Variants in TRIM9 observed in about 807,000 individuals in gnomAD.
The protein encoded by TRIM9 is tripartite motif containing 9, also known as E3 ubiquitin-protein ligase TRIM9.
A neutral mutation model predicts 78.3 loss-of-function variants in TRIM9; 26 were observed. That is an observed-to-expected ratio of 0.33 (90% CI 0.24 to 0.46). TRIM9 has a LOEUF of 0.46. TRIM9 is among the 20% of genes least tolerant of loss of function. The pLI, the probability that TRIM9 is intolerant of heterozygous loss-of-function variation, is 1.00. For missense variants in TRIM9, 787 were observed against 1,036.4 expected (o/e 0.76, Z 3.30); for synonymous variants, 398 against 416.5 (o/e 0.96, Z 0.54).
chr14:51,058,165 A>AC (rs2061037994), intron 1 of TRIM9, among the ~76,000 whole-genome samples: 1 of 152,218 alleles, frequency 6.6e-6, no homozygotes, highest in African/African-American at 2.4e-5. Flanking sequence ...AGCCAGCACT[A>AC]GTCAGTCTCC....
In TRIM9 at chr14:51,094,522, G is replaced by T. The variant is rs1302272912; in HGVS notation, c.418C>A (p.Arg140=). The T allele has an allele frequency of 2.5e-6, 4 of 1,613,394 alleles. No individual in the cohort carries two copies. The highest frequency in any genetic ancestry group is 3.4e-6 in the Non-Finnish European group (4 of 1,179,916). Residue 140 remains arginine, a synonymous_variant, in exon 1 of 13, where the codon CGG becomes AGG. Coordinates refer to ENST00000684578, the MANE Select transcript of TRIM9 (RefSeq NM_001387360.1). ...QCHRSLILDD[R]GLRGFPKNRV... ...TTCTTGGGGAAGCCGCGGAGCCCCC[G>T]GTCATCCAGGATGAGGCTGCGGTGA...
At chr14:51,090,869 T>C (rs1188033339) in intron 1 of TRIM9, 1 of 152,192 alleles carries the variant, frequency 6.6e-6, no homozygotes, top group Non-Finnish European at 1.5e-5. Context: ...AGTGCTGGGA[T>C]TACAGGCATA....
chr14:50,979,250 TCTC>T (rs2051489085), intron 12 of TRIM9, 134 bp downstream of exon 12: 1 of 1,526,586 alleles, frequency 6.6e-7, no homozygotes, highest in African/African-American at 1.4e-5. Flanking sequence ...GATCCCTTTC[TCTC>T]CTCCTCTCCT....
chr14:51,063,427 T>C (rs921675169), intron 1 of TRIM9, among the ~76,000 whole-genome samples: 3 of 151,972 alleles, frequency 2.0e-5, no homozygotes, highest in Admixed American at 6.6e-5. Context: ...GGAAAAAATA[T>C]TTGAAGAGAT....
chr14:51,069,826 T>C (rs1398991862), intron 1 of TRIM9, among the ~76,000 whole-genome samples: 2 of 152,222 alleles, frequency 1.3e-5, no homozygotes, highest in Non-Finnish European at 2.9e-5. Context: ...GCCATTTATC[T>C]TTGTTCTTAT....
At chr14:51,083,458 T>C (rs2063492850) in intron 1 of TRIM9, among the ~76,000 whole-genome samples, 1 of 152,014 alleles carries the variant, frequency 6.6e-6, no homozygotes. Flanking sequence ...CAGGTCTCAG[T>C]ATGTTGCCCA....
intron 1 of TRIM9, among the ~76,000 whole-genome samples, chr14:51,092,708 C>T (rs2064481728): frequency 6.6e-6 from 1 of 152,216 alleles, no homozygotes; most frequent in African/African-American, 2.4e-5. Flanking sequence ...TCCCTTCCTT[C>T]TAAGCAGTGT....
At chr14:51,067,223 G>A (rs77514686) in intron 1 of TRIM9, among the ~76,000 whole-genome samples, 12,903 of 152,062 alleles carry the variant, frequency 0.085, 735 homozygotes, top group African/African-American at 0.16. Flanking sequence ...TATTTAGCCC[G>A]TTTCTGAGGC....
chr14:50,987,480 T>C (rs1477018952), intron 7 of TRIM9, among the ~76,000 whole-genome samples: 1 of 152,188 alleles, frequency 6.6e-6, no homozygotes, highest in East Asian at 1.9e-4. Flanking sequence ...AATGAAAGTA[T>C]AAACCAGATC....
At chr14:51,024,861 AAAG>A (rs1236769051) in intron 2 of TRIM9, among the ~76,000 whole-genome samples, 1 of 152,118 alleles carries the variant, frequency 6.6e-6, no homozygotes, top group Non-Finnish European at 1.5e-5. Context: ...TGAAGGAAGA[AAAG>A]AAGAGAAAAC....
At chr14:51,031,861 C>G (rs989965806) in intron 1 of TRIM9, among the ~76,000 whole-genome samples, 2 of 152,172 alleles carry the variant, frequency 1.3e-5, no homozygotes, top group African/African-American at 2.4e-5. Flanking sequence ...ACCAAGGATA[C>G]AAATTCCTCC....
Position 51,094,887 on chromosome 14 carries a change from C to T in TRIM9, c.53G>A (p.Arg18Gln). ...LKCPVCGSFY[R>Q]EPIILPCSHN... ...AGAGCAGGGCAGGATGATGGGCTCC[C>T]GATAGAAGGAGCCGCACACGGGGCA... Residue 18 changes from arginine to glutamine, a missense_variant, in exon 1 of 13, where the codon CGG (arginine) becomes CAG (glutamine). By Grantham distance (43) the Arg-to-Gln change is conservative. Around this residue, in one of 3 missense-constraint regions of TRIM9, gnomAD observed 352 missense variants for 472.3 expected, o/e 0.75. Coordinates refer to ENST00000684578, the MANE Select transcript of TRIM9 (RefSeq NM_001387360.1). The T allele has an allele frequency of 6.6e-7, 1 of 1,509,620 alleles. No homozygotes were observed. Among genetic ancestry groups the T allele is most frequent in the African/African-American group, 1.4e-5 (1 of 71,656 alleles). 93.5% of individuals were successfully genotyped at this position (1,509,620 alleles called of 1,614,324 possible).
At chr14:51,040,836 C>A (rs749245632) in intron 1 of TRIM9, among the ~76,000 whole-genome samples, 2 of 152,168 alleles carry the variant, frequency 1.3e-5, no homozygotes, top group African/African-American at 2.4e-5. Flanking sequence ...TTAACTCTTC[C>A]GCTTACTACC....
chr14:51,048,699 C>T (rs962718840), intron 1 of TRIM9, among the ~76,000 whole-genome samples: 4 of 151,864 alleles, frequency 2.6e-5, no homozygotes, highest in African/African-American at 7.3e-5. Context: ...CATCCCATCT[C>T]GGGGGCCGGG....
chr14:51,001,987 T>C (rs2055109090), intron 5 of TRIM9, among the ~76,000 whole-genome samples: 1 of 152,244 alleles, frequency 6.6e-6, no homozygotes, highest in South Asian at 2.1e-4. Flanking sequence ...CTGTGACTCT[T>C]TTCTAGTACT....
intron 11 of TRIM9, 117 bp from the exon 12 acceptor site, chr14:50,979,666 A>T (rs1323264012): frequency 1.2e-6 from 1 of 832,468 alleles, no homozygotes; most frequent in Non-Finnish European, 2.0e-6. Flanking sequence ...CTACCCCAAA[A>T]CCGTTTCCCT....
intron 3 of TRIM9, among the ~76,000 whole-genome samples, chr14:51,018,427 G>A (rs966540870): frequency 2.0e-5 from 3 of 151,038 alleles, no homozygotes; most frequent in Non-Finnish European, 2.9e-5. Context: ...GTCATAAAAC[G>A]ATGGCAAAAT....
chr14:51,006,877 G>C (rs543579315), intron 5 of TRIM9, among the ~76,000 whole-genome samples: 66 of 152,262 alleles, frequency 4.3e-4, no homozygotes, highest in African/African-American at 1.5e-3. Context: ...TTTGTGCGCA[G>C]TCCTAAGTGG....
chr14:51,092,685 C>T (rs929037499), intron 1 of TRIM9, among the ~76,000 whole-genome samples: 1 of 152,200 alleles, frequency 6.6e-6, no homozygotes, highest in Non-Finnish European at 1.5e-5. Context: ...ATGCACATCT[C>T]CTCAAGAGTT....
Sources: allele counts gnomAD v4.1 joint callset (sites outside exome capture counted in the v4.1 genomes callset), GRCh38; gene constraint gnomAD v4.1.1; regional missense constraint gnomAD v4.1.1; transcripts MANE v1.5; gene names NCBI Gene and HGNC (gene_info 2026-07-23, HGNC 2026-07-21).